Variants in SAMD4A observed in about 807,000 individuals in gnomAD.
SAMD4A encodes protein Smaug homolog 1.
A neutral mutation model predicts 81.3 loss-of-function variants in SAMD4A; 33 were observed. The observed-to-expected ratio is 0.41, with a 90% confidence interval of 0.31 to 0.54. The LOEUF (loss-of-function observed/expected upper bound fraction) is 0.54, where lower values mean the gene tolerates loss of function less well. Among genes scored for constraint, SAMD4A ranks in the 20% least tolerant of loss-of-function variants. The pLI, the probability that SAMD4A is intolerant of heterozygous loss-of-function variation, is 0.37. For missense variants in SAMD4A, 854 were observed against 951.1 expected, an observed-to-expected ratio of 0.90 and a Z score of 1.34; for synonymous variants, 389 against 382.1, an observed-to-expected ratio of 1.02 and a Z score of -0.21.
At chr14:54,764,689 A>G (rs2038490404) in intron 8 of SAMD4A, 149 bp downstream of exon 8, 1 of 593,508 alleles carries the variant, frequency 1.7e-6, no homozygotes, top group Non-Finnish European at 3.0e-6. Context: ...GAACTAGGCT[A>G]TGACAGCCTC....
chr14:54,606,216 T>C (rs2034200646), intron 2 of SAMD4A, among the ~76,000 whole-genome samples: 2 of 150,426 alleles, frequency 1.3e-5, no homozygotes, highest in Admixed American at 1.3e-4. Flanking sequence ...TGTGTGTGCG[T>C]GCACGTGCAC....
rs571799259 is a variant in SAMD4A, at chr14:54,771,551, G to A, written c.1715+1329G>A. Among the ~76,000 whole-genome samples the A allele has an allele frequency of 7.9e-5, 12 of 152,334 alleles. No homozygotes were observed. The East Asian group carries it at 1.2e-3, about 15-fold the overall frequency. On this transcript the variant is annotated intron_variant, in intron 9 of 12. Transcript: ENST00000554335. ...AAGCCCTCTGGGGTTGCCAACCCTT[G>A]TGGGTTGGACTAGACTACCTCTTTG... is the stretch of plus-strand genomic sequence containing the variant.
intron 2 of SAMD4A, among the ~76,000 whole-genome samples, chr14:54,696,100 C>T (rs1269633567): frequency 1.3e-5 from 2 of 152,114 alleles, no homozygotes; most frequent in Non-Finnish European, 2.9e-5. Context: ...TAATCCATAC[C>T]ACTAGCAGGG....
intron 2 of SAMD4A, among the ~76,000 whole-genome samples, chr14:54,571,935 G>A (rs903366001): frequency 2.0e-5 from 3 of 152,192 alleles, no homozygotes; most frequent in African/African-American, 7.2e-5. Flanking sequence ...GTACAAGTAT[G>A]CCATCCTCCA....
intron 2 of SAMD4A, among the ~76,000 whole-genome samples, chr14:54,655,481 C>A (rs2035498472): frequency 6.6e-6 from 1 of 152,136 alleles, no homozygotes; most frequent in South Asian, 2.1e-4. Flanking sequence ...CCTGTAATCC[C>A]AGCACTTTGG....
chr14:54,792,474 G>T lies in SAMD4A; in HGVS notation c.*3530G>T, dbSNP rs2039275999. ...CAAGGTTGTAGATGTTATTCCCCAG[G>T]AGCCTGGGCTTGGGGGCTGAGCTGG... On this transcript the variant is annotated 3_prime_UTR_variant, in exon 13 of 13. Transcript: ENST00000554335. 1 of 152,218 alleles carries T rather than the reference G, an allele frequency of 6.6e-6. No homozygotes were observed. Among genetic ancestry groups the T allele is most frequent in the Admixed American group, 6.5e-5 (1 of 15,272 alleles). 9.4% of individuals were successfully genotyped at this position (152,218 alleles called of 1,614,324 possible).
intron 6 of SAMD4A, among the ~76,000 whole-genome samples, chr14:54,758,483 A>C (rs1036761461): frequency 2.6e-5 from 4 of 152,234 alleles, no homozygotes; most frequent in Non-Finnish European, 4.4e-5. Context: ...TGGATTGGAT[A>C]CTCATGCATC....
intron 12 of SAMD4A, 135 bp downstream of exon 12, chr14:54,784,755 G>A: frequency 1.3e-6 from 1 of 795,088 alleles, no homozygotes; most frequent in South Asian, 1.5e-5. Flanking sequence ...AGGGGACAGG[G>A]AGAAAGAGTG....
At chr14:54,726,022 G>T (rs2037406608) in intron 3 of SAMD4A, among the ~76,000 whole-genome samples, 2 of 151,902 alleles carry the variant, frequency 1.3e-5, no homozygotes, top group South Asian at 2.1e-4. Flanking sequence ...CTGGGGTGAA[G>T]CCCAAGAGTC....
chr14:54,590,985 T>C (rs896081811), intron 2 of SAMD4A, among the ~76,000 whole-genome samples: 4 of 152,352 alleles, frequency 2.6e-5, no homozygotes, highest in African/African-American at 7.2e-5. Flanking sequence ...TCTCAGACTT[T>C]TCCCCTCAAT....
intron 2 of SAMD4A, among the ~76,000 whole-genome samples, chr14:54,662,981 G>A (rs2035677814): frequency 2.0e-5 from 3 of 152,274 alleles, no homozygotes; most frequent in South Asian, 4.1e-4. Flanking sequence ...AGCCTTTGTT[G>A]CACAGTGGAA....
chr14:54,570,402 C>G (rs567636306), intron 2 of SAMD4A, among the ~76,000 whole-genome samples: 12 of 152,162 alleles, frequency 7.9e-5, no homozygotes, highest in Non-Finnish European at 1.6e-4. Context: ...ATTTCAGGCC[C>G]TCTCTCAGAA....
At chr14:54,651,900 C>T (rs888273727) in intron 2 of SAMD4A, among the ~76,000 whole-genome samples, 13 of 152,178 alleles carry the variant, frequency 8.5e-5, no homozygotes, top group African/African-American at 3.1e-4. Flanking sequence ...TTTCTTGTAC[C>T]TACTTTGGTA....
chr14:54,652,661 G>C (rs2035429810), intron 2 of SAMD4A: 1 of 151,012 alleles, frequency 6.6e-6, no homozygotes, highest in South Asian at 2.1e-4. Context: ...TTTTTTTAAA[G>C]GTTACAGACC....
intron 2 of SAMD4A, among the ~76,000 whole-genome samples, chr14:54,608,015 C>CAAA (rs765121682): frequency 0.07 from 4,235 of 60,526 alleles, 107 homozygotes; most frequent in East Asian, 0.21. Flanking sequence ...GACTCCGTCT[C>CAAA]AAAAAAAAAA....
chr14:54,636,528 T>C (rs1274811164), intron 2 of SAMD4A, among the ~76,000 whole-genome samples: 1 of 152,170 alleles, frequency 6.6e-6, no homozygotes, highest in Non-Finnish European at 1.5e-5. Context: ...GAATAAACTT[T>C]AGGAGGGCAG....
At chr14:54,591,028 G>A (rs2033760290) in intron 2 of SAMD4A, among the ~76,000 whole-genome samples, 2 of 152,156 alleles carry the variant, frequency 1.3e-5, no homozygotes, top group African/African-American at 4.8e-5. Context: ...AGCCTTCCAA[G>A]ATCTTGGTCA....
At chr14:54,701,804 T>A (rs2036725911) in intron 2 of SAMD4A, among the ~76,000 whole-genome samples, 1 of 152,218 alleles carries the variant, frequency 6.6e-6, no homozygotes, top group African/African-American at 2.4e-5. Context: ...ACCAAAGTAG[T>A]TGTAGCTTTT....
intron 2 of SAMD4A, among the ~76,000 whole-genome samples, chr14:54,632,926 A>G (rs2034939609): frequency 6.6e-6 from 1 of 152,256 alleles, no homozygotes; most frequent in South Asian, 2.1e-4. Context: ...ATTGAAGGAT[A>G]GTGAAGTTTT....
Sources: gnomAD v4.1 joint callset for allele counts (sites outside exome capture counted in the v4.1 genomes callset) on GRCh38, gnomAD v4.1.1 for gene constraint, MANE v1.5 for transcripts, NCBI Gene and HGNC (gene_info 2026-07-23, HGNC 2026-07-21) for gene names.